The following FANCD2 variants were observed in gnomAD, a reference collection of about 807,000 sequenced individuals.
FANCD2 encodes FA complementation group D2.
In FANCD2, 131 loss-of-function variants were observed where a neutral mutation model predicts 192.3. That is an observed-to-expected ratio of 0.68 (90% CI 0.59 to 0.79). FANCD2 has a LOEUF of 0.79. Ranked by LOEUF, FANCD2 falls within the 30% of genes least tolerant of loss-of-function variation. The pLI, the probability that FANCD2 is intolerant of heterozygous loss-of-function variation, is 0.00. For missense variants in FANCD2, 1,508 were observed against 1,701.6 expected, an observed-to-expected ratio of 0.89 and a Z score of 2.00; for synonymous variants, 524 against 612.5, an observed-to-expected ratio of 0.86 and a Z score of 2.13.
At chr3:10,084,055 G>A (rs1409824086) in intron 32 of FANCD2, among the ~76,000 whole-genome samples, 1 of 150,822 alleles carries the variant, frequency 6.6e-6, no homozygotes, top group East Asian at 2.0e-4. Context: ...GTGCAGTGGC[G>A]CGATCTCGGC....
chr3:10,033,796 G>T (rs2086660529), intron 3 of FANCD2, among the ~76,000 whole-genome samples: 1 of 16,430 alleles, frequency 6.1e-5, no homozygotes, highest in Non-Finnish European at 9.3e-5. Context: ...CACCTCCCAG[G>T]TTCACACCAT....
In FANCD2 at chr3:10,101,574, C is replaced by T. The variant is rs745657721; in HGVS notation, c.*312C>T. ...CTAATTTTTGTATTTTTAGTAGATA[C>T]GGGGTTTTACCATGTCGGCCAGATG... On this transcript the variant is annotated 3_prime_UTR_variant, in exon 44 of 44. Coordinates refer to ENST00000675286, the MANE Select transcript of FANCD2 (RefSeq NM_001018115.3). The T allele has an allele frequency of 7.8e-5, 31 of 398,206 alleles. No individual in the cohort carries two copies. Among genetic ancestry groups the T allele is most frequent in the Admixed American group, 4.0e-5 (1 of 24,732 alleles). 24.7% of individuals were successfully genotyped at this position (398,206 alleles called of 1,614,324 possible).
intron 33 of FANCD2, 28 bp from the exon 34 acceptor site, chr3:10,087,105 AT>A: frequency 6.2e-7 from 1 of 1,613,290 alleles, no homozygotes; most frequent in African/African-American, 1.3e-5. Flanking sequence ...ATACTATTGC[AT>A]TTGTTTGTTT....
At chr3:10,085,127 C>A (rs1209512389) in intron 32 of FANCD2, among the ~76,000 whole-genome samples, 1 of 152,112 alleles carries the variant, frequency 6.6e-6, no homozygotes, top group Non-Finnish European at 1.5e-5. Context: ...AGCAGTTTGA[C>A]AAAATTATTC....
In FANCD2 at chr3:10,101,353, C is replaced by T; in HGVS notation, c.*91C>T. On this transcript the variant is annotated 3_prime_UTR_variant, in exon 44 of 44. Transcript: ENST00000675286. ...TGAAATCCGCTGTTTGCCTTTCTTA[C>T]TGGTAGGATCCTTTTTTGTTCCTCT... The T allele has an allele frequency of 1.4e-6, 1 of 737,602 alleles. No homozygotes were observed. Among genetic ancestry groups the T allele is most frequent in the Non-Finnish European group, 2.4e-6 (1 of 421,432 alleles). The allele number at this position is 737,602 out of a possible 1,614,324, so 45.7% of individuals were successfully genotyped here.
chr3:10,032,753 CATGATT>C (rs2086634149), intron 2 of FANCD2, 73 bp from the exon 3 acceptor site: 2 of 1,271,694 alleles, frequency 1.6e-6, no homozygotes, highest in East Asian at 4.6e-5. Flanking sequence ...GTTTTCCTCT[CATGATT>C]ATTATTCCTG....
At chr3:10,094,653 T>C (rs935963754) in intron 40 of FANCD2, among the ~76,000 whole-genome samples, 1 of 152,112 alleles carries the variant, frequency 6.6e-6, no homozygotes, top group Non-Finnish European at 1.5e-5. Flanking sequence ...TGTATCAGTG[T>C]GTCATTTGCT....
chr3:10,061,408 G>C (rs1393824351), intron 19 of FANCD2, among the ~76,000 whole-genome samples: 1 of 152,214 alleles, frequency 6.6e-6, no homozygotes, highest in Non-Finnish European at 1.5e-5. Context: ...AGAGGTTGCA[G>C]AGTGTGCAAC....
intron 37 of FANCD2, among the ~76,000 whole-genome samples, chr3:10,090,899 G>A (rs1694565433): frequency 6.6e-6 from 1 of 151,654 alleles, no homozygotes; most frequent in African/African-American, 2.4e-5. Flanking sequence ...AGTTAGAGGT[G>A]AGGAATGGGC....
intron 9 of FANCD2, chr3:10,041,117 G>T (rs1041459440): frequency 9.9e-5 from 17 of 171,956 alleles, no homozygotes; most frequent in South Asian, 2.7e-4. Context: ...TCAATTGAGC[G>T]TGGAAGGTCG....
chr3:10,068,439 G>A (rs2087779991), intron 26 of FANCD2, among the ~76,000 whole-genome samples: 1 of 151,844 alleles, frequency 6.6e-6, no homozygotes, highest in Non-Finnish European at 1.5e-5. Context: ...CTTAACCAAA[G>A]AAGTGAAAGA....
intron 26 of FANCD2, among the ~76,000 whole-genome samples, chr3:10,072,444 C>T (rs888869943): frequency 6.6e-6 from 1 of 151,764 alleles, no homozygotes. Context: ...ACACCTGGCT[C>T]ATTTTTGTAT....
chr3:10,046,206 G>A (rs2087003469), intron 14 of FANCD2, among the ~76,000 whole-genome samples: 1 of 151,854 alleles, frequency 6.6e-6, no homozygotes, highest in African/African-American at 2.4e-5. Flanking sequence ...GGTGCATGCT[G>A]CCACACCCGG....
At chr3:10,058,229 G>A (rs1361303094) in intron 18 of FANCD2, 1 of 247,592 alleles carries the variant, frequency 4.0e-6, no homozygotes, top group Non-Finnish European at 8.2e-6. Flanking sequence ...CTTTTCCACC[G>A]TGTGGCACTG....
chr3:10,051,371 A>T (rs2087201848), intron 17 of FANCD2, among the ~76,000 whole-genome samples: 1 of 121,440 alleles, frequency 8.2e-6, no homozygotes, highest in Non-Finnish European at 1.6e-5. Context: ...ACAGAGCGAG[A>T]CTCCGTCTCA....
intron 16 of FANCD2, among the ~76,000 whole-genome samples, chr3:10,049,136 T>G (rs2087120166): frequency 6.6e-6 from 1 of 151,968 alleles, no homozygotes; most frequent in South Asian, 2.1e-4. Context: ...TCAGGAGGGC[T>G]TAGGTAGAGC....
At chr3:10,072,117 C>T (rs1222390130) in intron 26 of FANCD2, among the ~76,000 whole-genome samples, 1 of 152,070 alleles carries the variant, frequency 6.6e-6, no homozygotes, top group Non-Finnish European at 1.5e-5. Context: ...ACTTACTGTA[C>T]ATTTAAAAAT....
In FANCD2 at chr3:10,097,219, G is replaced by A. The variant is rs1434390679; in HGVS notation, c.4185+747G>A. On this transcript the variant is annotated intron_variant, in intron 42 of 43. Coordinates refer to ENST00000675286, the MANE Select transcript of FANCD2 (RefSeq NM_001018115.3). ...CCGAGGCGAAATTGAAATTGCTAATGAAGTTTTGGGCACCACTGTCATTGA... is the reference window on the plus strand; with the variant it reads ...CCGAGGCGAAATTGAAATTGCTAATAAAGTTTTGGGCACCACTGTCATTGA... Among the ~76,000 whole-genome samples the A allele has an allele frequency of 2.6e-5, 4 of 152,350 alleles. No homozygotes were observed. The South Asian group carries it at 6.2e-4, about 24-fold the overall frequency.
chr3:10,043,958 T>C, intron 14 of FANCD2, 94 bp downstream of exon 14: 4 of 1,040,026 alleles, frequency 3.8e-6, no homozygotes, highest in Non-Finnish European at 5.9e-6. Flanking sequence ...TTCTCCCCCC[T>C]CCAGTCACTC....
Sources: allele counts gnomAD v4.1 joint callset (sites outside exome capture counted in the v4.1 genomes callset), GRCh38; gene constraint gnomAD v4.1.1; transcripts MANE v1.5; gene names NCBI Gene and HGNC (gene_info 2026-07-23, HGNC 2026-07-21).